Variants in CYP4F8 observed in about 807,000 individuals in gnomAD.
CYP4F8 encodes cytochrome P450 family 4 subfamily F member 8, also known as cytochrome P450 4F8.
CYP4F8 carries 56 observed loss-of-function variants against 55.0 expected under a neutral mutation model. That is an observed-to-expected ratio of 1.02 (90% CI 0.82 to 1.27). The LOEUF is 1.27. Among genes scored for constraint, CYP4F8 ranks in the 50% most tolerant of loss-of-function variants. CYP4F8 has a pLI of 0.00. For synonymous variants in CYP4F8, 288 were observed against 267.3 expected, an observed-to-expected ratio of 1.08 and a Z score of -0.76; for missense variants, 680 against 682.4, an observed-to-expected ratio of 1.00 and a Z score of 0.04.
chr19:15,629,108 T>C, intron 12 of CYP4F8, 85 bp from the exon 13 acceptor site: 1 of 1,482,528 alleles, frequency 6.7e-7, no homozygotes. Flanking sequence ...CTGGGTGGGG[T>C]TGGGGGTTCC....
chr19:15,628,854 G>C lies in CYP4F8; in HGVS notation c.1397+11G>C, dbSNP rs1391559120. ...CTCGGCGGGGCCCAGGTGAGGCCAGGGGGTGTCTGAGGTGGGCATGGGCTG... is the reference window on the plus strand; with the variant it reads ...CTCGGCGGGGCCCAGGTGAGGCCAGCGGGTGTCTGAGGTGGGCATGGGCTG... On this transcript the variant is annotated intron_variant, in intron 12 of 12. Coordinates refer to ENST00000612078, the MANE Select transcript of CYP4F8 (RefSeq NM_007253.4). 3 of 1,582,912 alleles carry C rather than the reference G, an allele frequency of 1.9e-6. No individual in the cohort carries two copies. Among genetic ancestry groups the C allele is most frequent in the Non-Finnish European group, 1.7e-6 (2 of 1,166,070 alleles).
At chr19:15,616,710 AG>A (rs1746190158) in intron 2 of CYP4F8, among the ~76,000 whole-genome samples, 1 of 152,108 alleles carries the variant, frequency 6.6e-6, no homozygotes, top group Non-Finnish European at 1.5e-5. Flanking sequence ...ATCCCCACTA[AG>A]CTGTCCCAAT....
At chr19:15,615,951 ACTCATTCCTCTCC>A (rs1448236003) in intron 2 of CYP4F8, 137 bp downstream of exon 2, 14,338 of 766,976 alleles carry the variant, frequency 0.019, 80 homozygotes, top group Non-Finnish European at 0.024. Flanking sequence ...TCCTCTTCCC[ACTCATTCCTCTCC>A]TCACTCACTC....
At position 15,629,486 on chromosome 19, in the gene CYP4F8, C is replaced by T. The variant is rs149183388; in HGVS notation, c.*128C>T. The T allele has an allele frequency of 8.4e-6, 11 of 1,311,292 alleles. No homozygotes were observed. Among genetic ancestry groups the T allele is most frequent in the East Asian group, 2.7e-5 (1 of 37,524 alleles). The allele number at this position is 1,311,292 out of a possible 1,614,324, so 81.2% of individuals were successfully genotyped here. On this transcript the variant is annotated 3_prime_UTR_variant, in exon 13 of 13. Coordinates refer to ENST00000612078, the MANE Select transcript of CYP4F8 (RefSeq NM_007253.4). ...TCCCGCGGATGGCCAGTAGGGGGCG[C>T]TGGAGGACTGCGGGGATCTAGGGCC...
Position 15,629,521 on chromosome 19 carries a change from A to C in CYP4F8, c.*163A>C. On this transcript the variant is annotated 3_prime_UTR_variant, in exon 13 of 13. Coordinates refer to ENST00000612078, the MANE Select transcript of CYP4F8 (RefSeq NM_007253.4). The stretch of plus-strand genomic sequence containing the variant: ...GCGGGGATCTAGGGCCTGGCTGGGA[A>C]GAGGCGGGGAGATGTCTCTGTGCCC... 4 of 996,166 alleles carry C rather than the reference A, an allele frequency of 4.0e-6. No homozygotes were observed. The highest frequency in any genetic ancestry group is 5.6e-6 in the Non-Finnish European group (4 of 712,884). 61.7% of individuals were successfully genotyped at this position (996,166 alleles called of 1,614,324 possible).
In CYP4F8 at chr19:15,623,391, A is replaced by G; in HGVS notation, c.918+16A>G. ...GCTGAGCGAGGTGGGCCTCTCTGGG[A>G]TCTGAATTCAAGAGGTAAAATGGAG... On this transcript the variant is annotated intron_variant, in intron 7 of 12. Transcript: ENST00000612078. 1 of 1,611,518 alleles carries G rather than the reference A, an allele frequency of 6.2e-7. No individual in the cohort carries two copies. Among genetic ancestry groups the G allele is most frequent in the Non-Finnish European group, 8.5e-7 (1 of 1,178,000 alleles).
chr19:15,628,667 A>T, intron 11 of CYP4F8, 72 bp downstream of exon 11: 1 of 1,604,490 alleles, frequency 6.2e-7, no homozygotes, highest in Non-Finnish European at 8.5e-7. Flanking sequence ...AAAACCAGAT[A>T]CTCCCTCTCT....
intron 3 of CYP4F8, chr19:15,619,118 A>G (rs1972160625): frequency 9.8e-6 from 2 of 203,708 alleles, no homozygotes; most frequent in East Asian, 2.4e-4. Context: ...GCCTTCAGGC[A>G]CAACTGGATC....
rs1421676705 is a variant in CYP4F8, at chr19:15,630,428, T to C, written c.*1070T>C. 1 of 152,234 alleles carries C rather than the reference T, an allele frequency of 6.6e-6. No homozygotes were observed. Among genetic ancestry groups the C allele is most frequent in the Non-Finnish European group, 1.5e-5 (1 of 68,044 alleles). The allele number at this position is 152,234 out of a possible 1,614,324, so 9.4% of individuals were successfully genotyped here. A position where few individuals can be genotyped will look rare whatever the true frequency, so the allele number is the denominator to read the frequency against. ...TGAGAACATGCAATATTTTGTTTTC[T>C]GTTCCTGCATTAGTTTGCTTAGGAT... On this transcript the variant is annotated 3_prime_UTR_variant, in exon 13 of 13. Transcript: ENST00000612078.
In CYP4F8 at chr19:15,629,398, C is replaced by T; in HGVS notation, c.*40C>T. 1.3e-6 allele frequency: 2 copies of T among 1,548,608 alleles called. No homozygotes were observed. The highest frequency in any genetic ancestry group is 1.7e-6 in the Non-Finnish European group (2 of 1,147,384). ...CACCCACCTACCTTTGCATCACCTA[C>T]CTTTGCACCAACTACCTTTTCAGAT... On this transcript the variant is annotated 3_prime_UTR_variant, in exon 13 of 13. Transcript: ENST00000612078.
intron 6 of CYP4F8, 41 bp downstream of exon 6, chr19:15,622,381 G>A: frequency 6.3e-7 from 1 of 1,594,754 alleles, no homozygotes; most frequent in Non-Finnish European, 8.6e-7. Flanking sequence ...GGATGGAGTG[G>A]GGGTGTGGGT....
chr19:15,628,645 G>A (rs1318817869), intron 11 of CYP4F8, 50 bp downstream of exon 11: 6 of 1,607,642 alleles, frequency 3.7e-6, no homozygotes, highest in Non-Finnish European at 4.3e-6. Flanking sequence ...CGGGGGAGGG[G>A]TCTTGTCCCG....
rs367977820 is a variant in CYP4F8, at chr19:15,628,305, C to T, written c.1119C>T (p.Asp373=). 8 of 1,613,870 alleles carry T rather than the reference C, an allele frequency of 5.0e-6. No homozygotes were observed. Among genetic ancestry groups the T allele is most frequent in the African/African-American group, 2.7e-5 (2 of 74,872 alleles). ...TAATTGTTGGGTGTTTCCTTAGGGACGACCTGGCCCAGTTGCCCTTCCTGA... is the reference window on the plus strand; with the variant it reads ...TAATTGTTGGGTGTTTCCTTAGGGATGACCTGGCCCAGTTGCCCTTCCTGA... ...KDREPKEIEW[D]DLAQLPFLTM... The change falls in exon 10 of 13, where the codon GAC becomes GAT. Residue 373 remains aspartate (D), a synonymous_variant. Transcript: ENST00000612078.
chr19:15,628,703 G>A, intron 11 of CYP4F8, 58 bp from the exon 12 acceptor site: 1 of 1,609,430 alleles, frequency 6.2e-7, no homozygotes, highest in Admixed American at 1.7e-5. Context: ...GTTTTATGTG[G>A]GGGTGGCTGG....
intron 3 of CYP4F8, chr19:15,619,274 A>T (rs909882961): frequency 1.8e-6 from 1 of 564,700 alleles, no homozygotes; most frequent in South Asian, 2.1e-5. Flanking sequence ...GTGCTGTACC[A>T]TGTCAGGGTG....
rs755862290 is a variant in CYP4F8, at chr19:15,628,453, G to GGA, written c.1249+20_1249+21dup. On this transcript the variant is annotated intron_variant, in intron 10 of 12. Coordinates refer to ENST00000612078, the MANE Select transcript of CYP4F8 (RefSeq NM_007253.4). ...CCCCAAAGGTGCCCTCCATGGCAGG[G>GGA]GAGGAGGGTCCTGGGCAGGGCGGTG... The GGA allele has an allele frequency of 6.2e-6, 10 of 1,613,720 alleles. No individual in the cohort carries two copies. The highest frequency in any genetic ancestry group is 6.8e-6 in the Non-Finnish European group (8 of 1,179,880).
chr19:15,618,215 CT>C, intron 3 of CYP4F8, 71 bp downstream of exon 3: 1 of 1,606,758 alleles, frequency 6.2e-7, no homozygotes, highest in East Asian at 2.2e-5. Context: ...ATCCCCAAAG[CT>C]TCTGTGCAGC....
At chr19:15,615,943 C>G in intron 2 of CYP4F8, 129 bp downstream of exon 2, 1 of 860,462 alleles carries the variant, frequency 1.2e-6, no homozygotes. Flanking sequence ...TCACTCATTC[C>G]TCTTCCCACT....
Position 15,628,403 on chromosome 19 carries a change from T to G in CYP4F8, c.1217T>G (p.Val406Gly). Residue 406 changes from valine to glycine, a missense_variant, in exon 10 of 13, where the codon GTG becomes GGG. By Grantham distance (109) the Val-to-Gly change is moderately radical. Transcript: ENST00000612078. ...PTFARGCTQDVVLPDSRVIPK... is the reference protein window; with the variant it reads ...PTFARGCTQDGVLPDSRVIPK... ...TTCGCCCGCGGCTGCACCCAGGACG[T>G]GGTGCTCCCAGACAGCCGAGTCATC... 2 of 1,614,032 alleles carry G rather than the reference T, an allele frequency of 1.2e-6. No homozygotes were observed. Among genetic ancestry groups the G allele is most frequent in the Admixed American group, 3.3e-5 (2 of 60,030 alleles).
Sources: gnomAD v4.1 joint callset for allele counts (sites outside exome capture counted in the v4.1 genomes callset) on GRCh38, gnomAD v4.1.1 for gene constraint, MANE v1.5 for transcripts, NCBI Gene and HGNC (gene_info 2026-07-23, HGNC 2026-07-21) for gene names.